ULK2: variants seen among roughly 807,000 people sequenced by gnomAD.
The protein encoded by ULK2 is unc-51 like autophagy activating kinase 2.
Under a neutral mutation model 127.5 loss-of-function variants are expected in ULK2, and 76 were observed. That is an observed-to-expected ratio of 0.60 (90% CI 0.50 to 0.72). ULK2 has a LOEUF of 0.72. ULK2 is among the 30% of genes least tolerant of loss of function. ULK2 has a pLI of 0.00. For missense variants in ULK2, 1,144 were observed against 1,295.9 expected, an observed-to-expected ratio of 0.88 and a Z score of 1.80; for synonymous variants, 452 against 461.9, an observed-to-expected ratio of 0.98 and a Z score of 0.28.
intron 15 of ULK2, among the ~76,000 whole-genome samples, chr17:19,803,228 T>A (rs770708246): frequency 1.3e-5 from 2 of 152,228 alleles, no homozygotes; most frequent in Non-Finnish European, 2.9e-5. Flanking sequence ...AATCATACAA[T>A]GCTTTTCCTA....
chr17:19,785,873 C>A, intron 21 of ULK2, 64 bp downstream of exon 21: 5 of 1,557,480 alleles, frequency 3.2e-6, no homozygotes, highest in Admixed American at 2.0e-5. Flanking sequence ...AACACTGAGT[C>A]ATTTGTCAAA....
rs142840164 is a variant in ULK2, at chr17:19,799,518, T to G, written c.1499A>C (p.Asp500Ala). The change falls in exon 17 of 27, where the codon GAC (aspartate) becomes GCC (alanine). Residue 500 changes from aspartate (D) to alanine (A), a missense_variant. Physicochemically the swap from Asp to Ala is moderately radical, Grantham distance 126. Around this residue, in one of 2 missense-constraint regions of ULK2, gnomAD observed 913 missense variants for 970.5 expected, o/e 0.94. Transcript: ENST00000395544. ...QCCCGHPQGHDSRSRNSSGSP... is the reference protein window; with the variant it reads ...QCCCGHPQGHASRSRNSSGSP... ...ACCTGAGGAGTTTCTACTCCTGGAG[T>G]CATGGCCCTGAGGATGCCCACAGCA... 7,752 of 1,583,494 alleles carry G rather than the reference T, an allele frequency of 4.9e-3. 25 individuals are homozygous for G. The highest frequency in any genetic ancestry group is 6.0e-3 in the Non-Finnish European group (7,056 of 1,170,678).
intron 14 of ULK2, among the ~76,000 whole-genome samples, chr17:19,806,023 T>C (rs1362912374): frequency 6.6e-6 from 1 of 151,904 alleles, no homozygotes; most frequent in Non-Finnish European, 1.5e-5. Context: ...ATGTTTTTAA[T>C]ATCTACACAT....
intron 3 of ULK2, among the ~76,000 whole-genome samples, chr17:19,858,876 A>G (rs893124781): frequency 1.3e-5 from 2 of 152,214 alleles, no homozygotes; most frequent in Non-Finnish European, 2.9e-5. Flanking sequence ...AGGCTGAGGC[A>G]GGAGAACTGC....
chr17:19,823,219 C>T (rs1223853930), intron 12 of ULK2, among the ~76,000 whole-genome samples: 1 of 148,694 alleles, frequency 6.7e-6, no homozygotes, highest in East Asian at 2.0e-4. Context: ...ATTCCTGCCT[C>T]AGAAAAAATA....
At chr17:19,823,828 C>T (rs2041221117) in intron 12 of ULK2, among the ~76,000 whole-genome samples, 1 of 152,140 alleles carries the variant, frequency 6.6e-6, no homozygotes, top group South Asian at 2.1e-4. Context: ...TCTGCTTTAT[C>T]TATTTGGTAT....
intron 25 of ULK2, 110 bp from the exon 26 acceptor site, chr17:19,777,826 T>C (rs534883684): frequency 1.5e-6 from 2 of 1,341,132 alleles, no homozygotes; most frequent in South Asian, 3.0e-5. Context: ...CACATTTTGG[T>C]AAAGTGATAC....
rs539568373 is a variant in ULK2, at chr17:19,864,764, AATTT to A, written c.225+35_225+38del. On this transcript the variant is annotated intron_variant, in intron 3 of 26. Transcript: ENST00000395544. Reference sequence around the variant, plus strand: ...CTTAAATCTGTATGAAATTAAAAAAAATTTATTTTAATTTTTAAAAATTTTCAAA... The same window carrying A: ...CTTAAATCTGTATGAAATTAAAAAAAATTTTAATTTTTAAAAATTTTCAAA... 125 of 980,570 alleles carry A rather than the reference AATTT, an allele frequency of 1.3e-4. No homozygotes were observed. The African/African-American group carries it at 1.8e-3, about 14-fold the overall frequency. 60.7% of individuals were successfully genotyped at this position (980,570 alleles called of 1,614,324 possible). A position where few individuals can be genotyped will look rare whatever the true frequency, so the allele number is the denominator to read the frequency against.
At chr17:19,819,503 A>G (rs1263833412) in intron 12 of ULK2, among the ~76,000 whole-genome samples, 2 of 152,184 alleles carry the variant, frequency 1.3e-5, no homozygotes, top group Admixed American at 6.5e-5. Context: ...CCGAGTGACC[A>G]TGCTCACTGT....
chr17:19,816,601 G>T, intron 13 of ULK2, 148 bp downstream of exon 13: 1 of 682,928 alleles, frequency 1.5e-6, no homozygotes, highest in Non-Finnish European at 2.1e-6. Flanking sequence ...AAAAAGGTAG[G>T]AATATAATTC....
chr17:19,847,528 G>C (rs2041912265), intron 5 of ULK2, among the ~76,000 whole-genome samples: 1 of 152,186 alleles, frequency 6.6e-6, no homozygotes, highest in African/African-American at 2.4e-5. Flanking sequence ...AACATTATTT[G>C]AAAGTAGTGA....
chr17:19,790,624 C>A (rs2087132129), intron 20 of ULK2, among the ~76,000 whole-genome samples: 1 of 151,890 alleles, frequency 6.6e-6, no homozygotes, highest in East Asian at 1.9e-4. Flanking sequence ...AAACAAATAA[C>A]AAAATGGCAG....
intron 3 of ULK2, among the ~76,000 whole-genome samples, chr17:19,850,263 T>A (rs146133207): frequency 0.013 from 2,037 of 152,296 alleles, 17 homozygotes; most frequent in Non-Finnish European, 0.02. Flanking sequence ...TTCTGTTTTT[T>A]ATGTTTATTT....
At chr17:19,812,448 T>C (rs1057372185) in intron 13 of ULK2, among the ~76,000 whole-genome samples, 1 of 152,232 alleles carries the variant, frequency 6.6e-6, no homozygotes, top group African/African-American at 2.4e-5. Context: ...ATGCTTTTAA[T>C]ACACCTAACC....
intron 9 of ULK2, among the ~76,000 whole-genome samples, chr17:19,839,050 A>G (rs977031627): frequency 2.0e-5 from 3 of 151,860 alleles, no homozygotes; most frequent in South Asian, 2.1e-4. Context: ...AAAAGAAGGA[A>G]AAAAAGCACT....
chr17:19,862,963 C>T (rs2042273670), intron 3 of ULK2, among the ~76,000 whole-genome samples: 1 of 152,066 alleles, frequency 6.6e-6, no homozygotes. Flanking sequence ...TCTGTAATCC[C>T]AGCATTTTGG....
At chr17:19,805,021 C>T (rs1039674604) in intron 14 of ULK2, among the ~76,000 whole-genome samples, 191 bp from the exon 15 acceptor site, 14 of 148,194 alleles carry the variant, frequency 9.4e-5, no homozygotes, top group South Asian at 4.4e-4. Context: ...TAAAAAACTC[C>T]TGGCATTCAT....
intron 20 of ULK2, among the ~76,000 whole-genome samples, chr17:19,794,964 A>T (rs1488747711): frequency 6.6e-6 from 1 of 151,934 alleles, no homozygotes; most frequent in East Asian, 1.9e-4. Context: ...CTATAGTCCC[A>T]ACTACTTGGG....
chr17:19,830,102 G>A (rs2041401165), intron 10 of ULK2, among the ~76,000 whole-genome samples: 1 of 152,114 alleles, frequency 6.6e-6, no homozygotes, highest in South Asian at 2.1e-4. Context: ...CACACGCAGA[G>A]TACTCTAGTC....
Sources: gnomAD v4.1 joint callset for allele counts (sites outside exome capture counted in the v4.1 genomes callset) on GRCh38, gnomAD v4.1.1 for gene constraint, gnomAD v4.1.1 regional missense constraint, MANE v1.5 for transcripts, NCBI Gene and HGNC (gene_info 2026-07-23, HGNC 2026-07-21) for gene names.